TRHDE: variants seen among roughly 807,000 people sequenced by gnomAD.
TRHDE encodes thyrotropin releasing hormone degrading enzyme.
TRHDE carries 72 observed loss-of-function variants against 125.7 expected under a neutral mutation model. That is an observed-to-expected ratio of 0.57 (90% CI 0.47 to 0.70). TRHDE has a LOEUF of 0.70. Among genes scored for constraint, TRHDE ranks in the 30% least tolerant of loss-of-function variants. The probability of loss-of-function intolerance (pLI) is 0.00; values close to 1 mark genes in which losing one functional copy is unlikely to be tolerated. For missense variants in TRHDE, 1,110 were observed against 1,327.1 expected, an observed-to-expected ratio of 0.84 and a Z score of 2.54; for synonymous variants, 509 against 509.1, an observed-to-expected ratio of 1.00 and a Z score of 0.00.
At chr12:72,348,910 AT>A (rs968406374) in intron 2 of TRHDE, among the ~76,000 whole-genome samples, 51 of 151,574 alleles carry the variant, frequency 3.4e-4, no homozygotes, top group African/African-American at 4.8e-5. Context: ...TTGCTAATAG[AT>A]TTTTTTTCCA....
At chr12:72,114,887 A>G (rs1875406075) in intron 2 of TRHDE, among the ~76,000 whole-genome samples, 1 of 152,140 alleles carries the variant, frequency 6.6e-6, no homozygotes, top group Non-Finnish European at 1.5e-5. Flanking sequence ...TTTTCATGGT[A>G]TGGTTCCTGC....
chr12:72,148,272 C>T (rs1195180415), intron 2 of TRHDE, among the ~76,000 whole-genome samples: 1 of 152,130 alleles, frequency 6.6e-6, no homozygotes, highest in African/African-American at 2.4e-5. Flanking sequence ...TGTAAAGAAT[C>T]CAACAGCATT....
chr12:72,166,054 T>C (rs549655562), intron 2 of TRHDE, among the ~76,000 whole-genome samples: 1 of 152,266 alleles, frequency 6.6e-6, no homozygotes, highest in Non-Finnish European at 1.5e-5. Flanking sequence ...TAGATGGTTA[T>C]AGCCCACTGC....
chr12:72,662,380 G>A (rs1001642794), intron 18 of TRHDE, among the ~76,000 whole-genome samples: 2 of 151,994 alleles, frequency 1.3e-5, no homozygotes, highest in Non-Finnish European at 2.9e-5. Context: ...CAAAAAATAT[G>A]GCAAAACATT....
intron 2 of TRHDE, among the ~76,000 whole-genome samples, chr12:72,332,886 G>A (rs1343615126): frequency 1.3e-5 from 2 of 152,146 alleles, no homozygotes; most frequent in Admixed American, 1.3e-4. Flanking sequence ...ACATTTAAAC[G>A]ATATTCTGAG....
intron 8 of TRHDE, 89 bp downstream of exon 8, chr12:72,562,319 A>G (rs1337072063): frequency 4.9e-6 from 3 of 617,966 alleles, no homozygotes; most frequent in East Asian, 5.7e-5. Context: ...TTGACACCTG[A>G]TAGTTTGTTT....
intron 3 of TRHDE, among the ~76,000 whole-genome samples, chr12:72,408,936 A>G (rs1452229998): frequency 1.3e-5 from 2 of 152,220 alleles, no homozygotes; most frequent in Non-Finnish European, 2.9e-5. Flanking sequence ...TCGGAGTTCC[A>G]GAAGAGGAGG....
intron 1 of TRHDE, among the ~76,000 whole-genome samples, chr12:72,277,678 G>A (rs1879537136): frequency 6.6e-6 from 1 of 151,830 alleles, no homozygotes; most frequent in Non-Finnish European, 1.5e-5. Context: ...TCTAGACAAT[G>A]TTTACTAAAA....
intron 8 of TRHDE, 103 bp downstream of exon 8, chr12:72,562,333 C>T: frequency 5.6e-6 from 3 of 536,576 alleles, no homozygotes; most frequent in Admixed American, 3.4e-5. Flanking sequence ...TTTGTTTTTA[C>T]TTTTTACATT....
intron 2 of TRHDE, among the ~76,000 whole-genome samples, chr12:72,142,241 A>C (rs1460401952): frequency 6.6e-6 from 1 of 152,156 alleles, no homozygotes; most frequent in Non-Finnish European, 1.5e-5. Context: ...GATCAAGGTT[A>C]AAGGCTCTTT....
chr12:72,158,384 T>C (rs1418961549), intron 2 of TRHDE, among the ~76,000 whole-genome samples: 4 of 151,520 alleles, frequency 2.6e-5, no homozygotes, highest in African/African-American at 9.7e-5. Context: ...GTATATATTA[T>C]ATATATCTTT....
At chr12:72,216,966 TA>T (rs1877906020) in intron 2 of TRHDE, among the ~76,000 whole-genome samples, 2 of 74,652 alleles carry the variant, frequency 2.7e-5, no homozygotes, top group Non-Finnish European at 5.9e-5. Context: ...AAGGTAATGC[TA>T]GTTTTTTTTT....
chr12:72,621,847 A>T, intron 15 of TRHDE, 96 bp downstream of exon 15: 1 of 950,810 alleles, frequency 1.1e-6, no homozygotes, highest in Non-Finnish European at 1.6e-6. Context: ...GAAAAACAAG[A>T]TAAGGAAAAA....
intron 12 of TRHDE, among the ~76,000 whole-genome samples, chr12:72,606,112 A>G (rs1872430787): frequency 2.0e-5 from 3 of 152,152 alleles, no homozygotes. Flanking sequence ...TCTGATTTAA[A>G]CACATGATTC....
chr12:72,337,871 T>A (rs1301150585), intron 2 of TRHDE, among the ~76,000 whole-genome samples: 1 of 152,102 alleles, frequency 6.6e-6, no homozygotes, highest in African/African-American at 2.4e-5. Flanking sequence ...AAAAATACAC[T>A]GTTTTCCCAT....
rs1238790770 is a variant in TRHDE, at chr12:72,562,877, G to A, written c.1879G>A (p.Val627Ile). The change falls in exon 9 of 19, where the codon GTA becomes ATA. Residue 627 changes from valine (V) to isoleucine (I), a missense_variant. Transcript: ENST00000261180. ...SEALKRNGKY[V>I]NIQEVMDQWT... ...GGCTTTAAAAAGAAATGGGAAATAT[G>A]TAAATATACAAGAAGTAATGGATCA... The A allele has an allele frequency of 6.3e-7, 1 of 1,581,338 alleles. No individual in the cohort carries two copies. Among genetic ancestry groups the A allele is most frequent in the Non-Finnish European group, 8.6e-7 (1 of 1,169,528 alleles).
At chr12:72,259,184 T>G (rs1223123209) in intron 2 of TRHDE, among the ~76,000 whole-genome samples, 1 of 152,138 alleles carries the variant, frequency 6.6e-6, no homozygotes, top group Non-Finnish European at 1.5e-5. Flanking sequence ...TCTTACCCAT[T>G]TATTTTCTTC....
At chr12:72,159,487 ATTC>A (rs1876590488) in intron 2 of TRHDE, among the ~76,000 whole-genome samples, 1 of 152,226 alleles carries the variant, frequency 6.6e-6, no homozygotes, top group Non-Finnish European at 1.5e-5. Context: ...AGATGACATG[ATTC>A]TTCTTCTTAG....
At chr12:72,544,632 A>G (rs986837921) in intron 7 of TRHDE, among the ~76,000 whole-genome samples, 1 of 150,948 alleles carries the variant, frequency 6.6e-6, no homozygotes, top group Non-Finnish European at 1.5e-5. Flanking sequence ...TGTTCCACAT[A>G]GGAACAATGT....
Sources: allele counts gnomAD v4.1 joint callset (sites outside exome capture counted in the v4.1 genomes callset), GRCh38; gene constraint gnomAD v4.1.1; transcripts MANE v1.5; gene names NCBI Gene and HGNC (gene_info 2026-07-23, HGNC 2026-07-21).